AOPEP: variants seen among roughly 807,000 people sequenced by gnomAD.
AOPEP encodes the protein aminopeptidase O (putative), also known as aminopeptidase O.
In AOPEP, 77 loss-of-function variants were observed where a neutral mutation model predicts 98.1. That is an observed-to-expected ratio of 0.78 (90% CI 0.65 to 0.95). The LOEUF is 0.95. Among genes scored for constraint, AOPEP ranks in the 40% least tolerant of loss-of-function variants. The pLI, the probability that AOPEP is intolerant of heterozygous loss-of-function variation, is 0.00. For missense variants in AOPEP, 1,024 were observed against 1,024.7 expected, an observed-to-expected ratio of 1.00 and a Z score of 0.01; for synonymous variants, 346 against 365.3, an observed-to-expected ratio of 0.95 and a Z score of 0.60.
At chr9:94,809,820 T>G (rs183398693) in intron 5 of AOPEP, 1 of 154,074 alleles carries the variant, frequency 6.5e-6, no homozygotes, top group Admixed American at 6.5e-5. Context: ...ATTATGAAAG[T>G]AAATTCTGTC....
chr9:94,840,419 T>G (rs2042139871), intron 5 of AOPEP, among the ~76,000 whole-genome samples: 1 of 152,244 alleles, frequency 6.6e-6, no homozygotes, highest in African/African-American at 2.4e-5. Context: ...TTGAGTATTT[T>G]TGCATCTGTG....
the AOPEP span, among the ~76,000 whole-genome samples, chr9:95,093,810 G>A: frequency 6.6e-6 from 1 of 152,166 alleles, no homozygotes; most frequent in Non-Finnish European, 1.5e-5. Context: ...GCTGTAACTC[G>A]AGAGGCAGTG....
At position 94,924,125 on chromosome 9, in the gene AOPEP, GA is replaced by G; in HGVS notation, c.1506del (p.Gly503AlafsTer28). On this transcript the variant is annotated frameshift_variant, in exon 6 of 17. Coordinates refer to ENST00000375315, the MANE Select transcript of AOPEP (RefSeq NM_001193329.3). LOFTEE classifies it high-confidence loss of function. Reference sequence around the variant, plus strand: ...AGACTGGACGGAGGAGTGGCTGAGTGAAGGCTTCGCCACTCACTTGGAGGAT... The same window carrying G: ...AGACTGGACGGAGGAGTGGCTGAGTGAGGCTTCGCCACTCACTTGGAGGAT... ...ARDWTEEWLS[E>X]GFATHLEDVF... The G allele has an allele frequency of 6.7e-7, 1 of 1,503,550 alleles. No individual in the cohort carries two copies. The highest frequency in any genetic ancestry group is 8.9e-7 in the Non-Finnish European group (1 of 1,122,924). The allele number at this position is 1,503,550 out of a possible 1,614,324, so 93.1% of individuals were successfully genotyped here.
chr9:95,006,869 G>A (rs898346503), intron 13 of AOPEP, among the ~76,000 whole-genome samples: 1 of 150,586 alleles, frequency 6.6e-6, no homozygotes, highest in East Asian at 2.0e-4. Flanking sequence ...TGGCTTGCTT[G>A]GTATTTTTTA....
chr9:95,123,848 C>A, the AOPEP span: 2 of 629,912 alleles, frequency 3.2e-6, no homozygotes, highest in South Asian at 1.4e-5. Context: ...TGCCCCACAA[C>A]CCCCACCAAA....
intron 3 of AOPEP, among the ~76,000 whole-genome samples, chr9:94,774,338 A>G (rs929042723): frequency 4.0e-4 from 60 of 149,400 alleles, no homozygotes; most frequent in African/African-American, 1.4e-3. Flanking sequence ...AAAAAAGGGC[A>G]TCTCCTTCCA....
At chr9:95,083,070 G>A (rs191950092) in intron 16 of AOPEP, 1 of 226,460 alleles carries the variant, frequency 4.4e-6, no homozygotes, top group African/African-American at 2.3e-5. Context: ...GGAATGGGAA[G>A]CCTGGCAGAA....
intron 1 of AOPEP, among the ~76,000 whole-genome samples, chr9:94,734,044 A>T (rs921911038): frequency 2.0e-5 from 3 of 152,166 alleles, no homozygotes; most frequent in African/African-American, 7.2e-5. Flanking sequence ...TTGAGATCTG[A>T]ATGCCTTTTA....
the AOPEP span, chr9:95,114,735 G>C: frequency 6.3e-7 from 1 of 1,598,538 alleles, no homozygotes. Flanking sequence ...AGATACGTCA[G>C]AGGGCAACTG....
intron 1 of AOPEP, among the ~76,000 whole-genome samples, chr9:94,748,345 T>C (rs1452724026): frequency 6.6e-6 from 1 of 152,222 alleles, no homozygotes; most frequent in Non-Finnish European, 1.5e-5. Flanking sequence ...CCTAGGTATG[T>C]TTTCCTTTGT....
At chr9:95,096,288 C>CG in the AOPEP span, among the ~76,000 whole-genome samples, 1 of 152,106 alleles carries the variant, frequency 6.6e-6, no homozygotes, top group Non-Finnish European at 1.5e-5. Flanking sequence ...CAGTGAGTAG[C>CG]GGGGAGTGAC....
At chr9:95,005,379 C>T (rs557598724) in intron 12 of AOPEP, among the ~76,000 whole-genome samples, 159 bp downstream of exon 12, 2 of 151,506 alleles carry the variant, frequency 1.3e-5, no homozygotes, top group South Asian at 2.1e-4. Flanking sequence ...GTCGCGGCCC[C>T]TGCGGTGAGG....
At chr9:94,833,191 C>T (rs1051431339) in intron 5 of AOPEP, among the ~76,000 whole-genome samples, 1 of 151,318 alleles carries the variant, frequency 6.6e-6, no homozygotes, top group South Asian at 2.1e-4. Context: ...CCGCCTCTGC[C>T]TCCCAAACTG....
At chr9:95,005,663 C>T (rs750768832) in intron 13 of AOPEP, 47 bp downstream of exon 13, 2 of 1,503,882 alleles carry the variant, frequency 1.3e-6, no homozygotes. Context: ...GGTAAATCCG[C>T]TTCTGCCCCG....
At chr9:94,940,380 C>A (rs1473604411) in intron 7 of AOPEP, among the ~76,000 whole-genome samples, 2 of 152,046 alleles carry the variant, frequency 1.3e-5, no homozygotes, top group Admixed American at 1.3e-4. Flanking sequence ...CCGAGGCGGG[C>A]AGATCACTTG....
At chr9:94,870,711 G>A (rs1035855100) in intron 5 of AOPEP, among the ~76,000 whole-genome samples, 1 of 152,246 alleles carries the variant, frequency 6.6e-6, no homozygotes, top group African/African-American at 2.4e-5. Context: ...GACATTTGCG[G>A]ATAGTGAAGA....
chr9:95,114,520 T>C, the AOPEP span: 1 of 979,216 alleles, frequency 1.0e-6, no homozygotes, highest in East Asian at 2.4e-5. Flanking sequence ...TGTTTGGTGA[T>C]GGTCCCAGAC....
chr9:94,966,999 G>A (rs187415287), intron 9 of AOPEP, among the ~76,000 whole-genome samples: 118 of 152,252 alleles, frequency 7.8e-4, no homozygotes, highest in East Asian at 1.9e-3. Flanking sequence ...TAATGTTTGG[G>A]ACTTGGTTCT....
At chr9:94,732,484 C>G (rs1830781861) in intron 1 of AOPEP, among the ~76,000 whole-genome samples, 1 of 152,126 alleles carries the variant, frequency 6.6e-6, no homozygotes, top group African/African-American at 2.4e-5. Flanking sequence ...TTTCAGGAAT[C>G]TAGTCTATTT....
Sources: allele counts gnomAD v4.1 joint callset (sites outside exome capture counted in the v4.1 genomes callset), GRCh38; gene constraint gnomAD v4.1.1; transcripts MANE v1.5; gene names NCBI Gene and HGNC (gene_info 2026-07-23, HGNC 2026-07-21).